MKRN2: variants seen among roughly 807,000 people sequenced by gnomAD.
The protein encoded by MKRN2 is E3 ubiquitin-protein ligase makorin-2.
A neutral mutation model predicts 45.4 loss-of-function variants in MKRN2; 32 were observed. The observed-to-expected ratio is 0.70, with a 90% CI of 0.53 to 0.95. MKRN2 has a LOEUF of 0.95. MKRN2 is among the 40% of genes least tolerant of loss of function. The pLI is 0.00. For missense variants in MKRN2, 526 were observed against 536.7 expected, an observed-to-expected ratio of 0.98 and a Z score of 0.20; for synonymous variants, 206 against 192.4, an observed-to-expected ratio of 1.07 and a Z score of -0.59.
rs2058105789 is a variant in MKRN2 at position 12,572,484 on chromosome 3, CAG to C, written c.642+113_642+114del. On this transcript the variant is annotated intron_variant, in intron 4 of 7. Transcript: ENST00000170447. ...AAGAAATCTGAAATGTACTAAGTGA[CAG>C]AATTGTTGGTATTTCCACAGGCATC... 63 of 1,026,602 alleles carry C rather than the reference CAG, an allele frequency of 6.1e-5. 1 individual carries two copies. In the South Asian group the frequency reaches 1.6e-3, roughly 25 times the overall value. The allele number at this position is 1,026,602 out of a possible 1,614,324, so 63.6% of individuals were successfully genotyped here. A position where few individuals can be genotyped will look rare whatever the true frequency, so the allele number is the denominator to read the frequency against.
chr3:12,557,113 A>C lies in MKRN2; in HGVS notation c.-38A>C, dbSNP rs746318391. 3 of 1,484,686 alleles carry C rather than the reference A, an allele frequency of 2.0e-6. No individual in the cohort carries two copies. The highest frequency in any genetic ancestry group is 2.7e-6 in the Non-Finnish European group (3 of 1,119,152). 92.0% of individuals were successfully genotyped at this position (1,484,686 alleles called of 1,614,324 possible). On this transcript the variant is annotated 5_prime_UTR_variant, in exon 1 of 8. Coordinates refer to ENST00000170447, the MANE Select transcript of MKRN2 (RefSeq NM_014160.5). ...AGGCCGAGGCGGCAGCGGCTGCGAG[A>C]GGCGGCGGCACGACGACGGTCCCTC...
intron 5 of MKRN2, among the ~76,000 whole-genome samples, chr3:12,575,403 T>G (rs1208134958): frequency 6.6e-6 from 1 of 152,132 alleles, no homozygotes; most frequent in Non-Finnish European, 1.5e-5. Context: ...TATTTGAGGA[T>G]GAAGTGGAAT....
intron 5 of MKRN2, among the ~76,000 whole-genome samples, chr3:12,575,762 T>C (rs1012942749): frequency 1.3e-5 from 2 of 152,206 alleles, no homozygotes; most frequent in Non-Finnish European, 1.5e-5. Context: ...TTCTTATAAA[T>C]GGAATCATAG....
chr3:12,576,062 T>TA lies in MKRN2; in HGVS notation c.858-567dup, dbSNP rs2058133774. 2.0e-5 allele frequency among the ~76,000 whole-genome samples: 3 copies of TA among 152,208 alleles called. No individual in the cohort carries two copies. The South Asian group carries it at 6.2e-4, about 31-fold the overall frequency. ...CGTGGGATTGCTAGGTTTTATGGTA[T>TA]AATAACTCTACATTAAACTGTTGGA... On this transcript the variant is annotated intron_variant, in intron 5 of 7. Transcript: ENST00000170447.
intron 6 of MKRN2, 142 bp downstream of exon 6, chr3:12,576,883 G>A (rs568097999): frequency 2.2e-6 from 1 of 445,544 alleles, no homozygotes; most frequent in East Asian, 4.0e-5. Flanking sequence ...TGGGCTCTGG[G>A]ATGCAGCAAT....
At chr3:12,581,739 C>A (rs2125309474) in intron 6 of MKRN2, 69 bp from the exon 7 acceptor site, 2 of 1,548,800 alleles carry the variant, frequency 1.3e-6, no homozygotes, top group Non-Finnish European at 1.8e-6. Context: ...AGGATGGAGG[C>A]AGGCAGTGGC....
At chr3:12,563,614 C>T (rs1415564282) in intron 1 of MKRN2, among the ~76,000 whole-genome samples, 1 of 148,714 alleles carries the variant, frequency 6.7e-6, no homozygotes, top group Non-Finnish European at 1.5e-5. Flanking sequence ...CTCAGCTTCC[C>T]GAGTAGCTGG....
chr3:12,582,482 T>C lies in MKRN2; in HGVS notation c.*229T>C, dbSNP rs1389207234. 7.7e-6 allele frequency: 4 copies of C among 518,282 alleles called. No individual in the cohort carries two copies. Among genetic ancestry groups the C allele is most frequent in the African/African-American group, 3.8e-5 (2 of 52,908 alleles). The allele number at this position is 518,282 out of a possible 1,614,324, so 32.1% of individuals were successfully genotyped here. A position where few individuals can be genotyped will look rare whatever the true frequency, so the allele number is the denominator to read the frequency against. Reference sequence around the variant, plus strand: ...GGAATTGCTATTTTTATAGCTGATATAGTTACACCTCAAGCCCCTCAGGGG... The same window carrying C: ...GGAATTGCTATTTTTATAGCTGATACAGTTACACCTCAAGCCCCTCAGGGG... On this transcript the variant is annotated 3_prime_UTR_variant, in exon 8 of 8. Coordinates refer to ENST00000170447, the MANE Select transcript of MKRN2 (RefSeq NM_014160.5).
intron 3 of MKRN2, among the ~76,000 whole-genome samples, 191 bp from the exon 4 acceptor site, chr3:12,571,878 T>C (rs938661211): frequency 6.6e-6 from 1 of 152,216 alleles, no homozygotes; most frequent in Non-Finnish European, 1.5e-5. Flanking sequence ...TTTAAGTAAT[T>C]ATAAGTAATG....
rs1251099994 is a variant in MKRN2 at position 12,571,966 on chromosome 3, G to A, written c.338-103G>A. 3.4e-6 allele frequency: 4 copies of A among 1,162,196 alleles called. No homozygotes were observed. The African/African-American group carries it at 4.7e-5, about 14-fold the overall frequency. 72.0% of individuals were successfully genotyped at this position (1,162,196 alleles called of 1,614,324 possible). On this transcript the variant is annotated intron_variant, in intron 3 of 7. Coordinates refer to ENST00000170447, the MANE Select transcript of MKRN2 (RefSeq NM_014160.5). ...TTTTTGCCATATGTTCTCAAGAGTG[G>A]AATTCTTAGGTCAGAGTAGCTTAAT...
chr3:12,575,233 C>T (rs779185458), intron 5 of MKRN2, among the ~76,000 whole-genome samples: 22 of 152,164 alleles, frequency 1.4e-4, no homozygotes, highest in Non-Finnish European at 3.1e-4. Context: ...TGGGGAGGAA[C>T]TCAGCAAAGA....
Position 12,581,826 on chromosome 3 carries a change from C to A in MKRN2, c.987C>A (p.Tyr329Ter). 1 of 1,614,148 alleles carries A rather than the reference C, an allele frequency of 6.2e-7. No homozygotes were observed. Among genetic ancestry groups the A allele is most frequent in the Non-Finnish European group, 8.5e-7 (1 of 1,180,026 alleles). ...KQGMGKKACK[Y>*]FEQGKGTCPF... ...TTTTCAGGAAAAAAGCCTGTAAATA[C>A]TTTGAGCAAGGCAAGGGGACCTGCC... The change falls in exon 7 of 8, where the codon TAC becomes TAA. Residue 329 changes from tyrosine (Y) to a stop codon, truncating the protein, a stop_gained. Coordinates refer to ENST00000170447, the MANE Select transcript of MKRN2 (RefSeq NM_014160.5). LOFTEE classifies it high-confidence loss of function.
chr3:12,574,775 TC>T lies in MKRN2; in HGVS notation c.643-15del. On this transcript the variant is annotated splice_polypyrimidine_tract_variant and intron_variant, in intron 4 of 7. Coordinates refer to ENST00000170447, the MANE Select transcript of MKRN2 (RefSeq NM_014160.5). ...AGTGGCCCACAACCAAAGCCTTCCT[TC>T]CTGTCTGTGCTTCAGATCTGCATGT... 6.2e-7 allele frequency: 1 copy of T among 1,607,852 alleles called. No individual in the cohort carries two copies. Among genetic ancestry groups the T allele is most frequent in the Non-Finnish European group, 8.5e-7 (1 of 1,175,786 alleles).
rs73126397 is a variant in MKRN2 at position 12,559,250 on chromosome 3, C to T, written c.26+2074C>T. Among the ~76,000 whole-genome samples, 862 of 152,258 alleles carry T rather than the reference C, an allele frequency of 5.7e-3. 4 individuals are homozygous for T. The highest frequency in any genetic ancestry group is 0.019 in the African/African-American group (791 of 41,554). ...AATATGACCAAGAGTACCAAGTTTA[C>T]ATTAGTGTGTTTATCTACCATCAAC... is the stretch of plus-strand genomic sequence containing the variant. On this transcript the variant is annotated intron_variant, in intron 1 of 7. Transcript: ENST00000170447.
chr3:12,571,123 T>TTTG (rs373259579), intron 3 of MKRN2, among the ~76,000 whole-genome samples: 7 of 139,242 alleles, frequency 5.0e-5, no homozygotes, highest in Non-Finnish European at 9.4e-5. Context: ...TTTTTGTTTG[T>TTTG]TTTGTTTTTG....
Position 12,576,725 on chromosome 3 carries a change from T to G in MKRN2, c.952T>G (p.Phe318Val). ...TAAAAAGAACGAGTTGATTGAAGCTTTCAAACAGGGGATGGGGTAAGTGCT... is the reference window on the plus strand; with the variant it reads ...TAAAAAGAACGAGTTGATTGAAGCTGTCAAACAGGGGATGGGGTAAGTGCT... ...QNKKNELIEA[F>V]KQGMGKKACK... Residue 318 changes from phenylalanine (F) to valine (V), a missense_variant, in exon 6 of 8, where the codon TTC (phenylalanine) becomes GTC (valine). Coordinates refer to ENST00000170447, the MANE Select transcript of MKRN2 (RefSeq NM_014160.5). 1 of 1,602,954 alleles carries G rather than the reference T, an allele frequency of 6.2e-7. No individual in the cohort carries two copies. The highest frequency in any genetic ancestry group is 8.5e-7 in the Non-Finnish European group (1 of 1,170,516).
rs781700580 is a variant in MKRN2 at position 12,574,893 on chromosome 3, G to A, written c.744G>A (p.Lys248=). Residue 248 remains lysine, a synonymous_variant, in exon 5 of 8, where the codon AAG becomes AAA. Transcript: ENST00000170447. ...TCTGCATGGAAGTGATCCTGGAGAA[G>A]GCCTCTGCTTCTGAGAGGAGATTTG... ...CSICMEVILE[K]ASASERRFGI... 1.5e-5 allele frequency: 25 copies of A among 1,614,192 alleles called. No individual in the cohort carries two copies. Among genetic ancestry groups the A allele is most frequent in the Non-Finnish European group, 2.1e-5 (25 of 1,179,988 alleles).
intron 4 of MKRN2, among the ~76,000 whole-genome samples, 189 bp downstream of exon 4, chr3:12,572,562 T>C (rs1434600011): frequency 6.6e-6 from 1 of 151,888 alleles, no homozygotes; most frequent in East Asian, 1.9e-4. Context: ...ACATCCTGTT[T>C]TCAGGTTCTT....
At chr3:12,581,157 A>G (rs915390899) in intron 6 of MKRN2, among the ~76,000 whole-genome samples, 1 of 152,122 alleles carries the variant, frequency 6.6e-6, no homozygotes, top group African/African-American at 2.4e-5. Context: ...AGAGAGGGAA[A>G]ACATTTTGAA....
Sources: allele counts gnomAD v4.1 joint callset (sites outside exome capture counted in the v4.1 genomes callset), GRCh38; gene constraint gnomAD v4.1.1; transcripts MANE v1.5; gene names NCBI Gene and HGNC (gene_info 2026-07-23, HGNC 2026-07-21).